TFG: variants seen among roughly 807,000 people sequenced by gnomAD.
TFG encodes the protein protein TFG.
Under a neutral mutation model 51.4 loss-of-function variants are expected in TFG, and 22 were observed. That is an observed-to-expected ratio of 0.43 (90% CI 0.31 to 0.61). The LOEUF (loss-of-function observed/expected upper bound fraction) is 0.61. Among genes scored for constraint, TFG ranks in the 20% least tolerant of loss-of-function variants. TFG has a pLI of 0.12. For missense variants in TFG, 419 were observed against 487.7 expected (o/e 0.86, Z 1.33); for synonymous variants, 187 against 165.6 (o/e 1.13, Z -0.99).
intron 5 of TFG, among the ~76,000 whole-genome samples, chr3:100,734,767 G>T (rs889308610): frequency 4.6e-5 from 7 of 152,120 alleles, no homozygotes; most frequent in Non-Finnish European, 8.8e-5. Flanking sequence ...AAAATTTGAT[G>T]AGGTCAGACT....
chr3:100,721,487 A>C (rs979484261), intron 3 of TFG, among the ~76,000 whole-genome samples: 2 of 152,210 alleles, frequency 1.3e-5, no homozygotes, highest in African/African-American at 4.8e-5. Flanking sequence ...AGGGAAAGTC[A>C]AGGAAGCTTA....
At chr3:100,742,108 C>CT (rs2149093839) in intron 6 of TFG, among the ~76,000 whole-genome samples, 1 of 152,232 alleles carries the variant, frequency 6.6e-6, no homozygotes, top group African/African-American at 2.4e-5. Context: ...GAAGTTCATC[C>CT]TTTTTCTTTT....
intron 2 of TFG, among the ~76,000 whole-genome samples, chr3:100,716,476 A>G (rs1054895216): frequency 8.5e-5 from 13 of 152,208 alleles, no homozygotes; most frequent in Non-Finnish European, 1.5e-4. Flanking sequence ...TATCTTGACT[A>G]TTGTGAATAG....
intron 4 of TFG, among the ~76,000 whole-genome samples, chr3:100,730,501 T>G (rs375578333): frequency 6.6e-6 from 1 of 152,234 alleles, no homozygotes; most frequent in Non-Finnish European, 1.5e-5. Context: ...TAAGATGATA[T>G]AAGAATAATA....
At chr3:100,715,309 C>G (rs568374347) in intron 2 of TFG, among the ~76,000 whole-genome samples, 1 of 152,198 alleles carries the variant, frequency 6.6e-6, no homozygotes, top group Non-Finnish European at 1.5e-5. Context: ...CATTGGCAAG[C>G]AGATGAGTGA....
chr3:100,727,522 A>C (rs2095079395), intron 3 of TFG, among the ~76,000 whole-genome samples: 1 of 152,214 alleles, frequency 6.6e-6, no homozygotes, highest in Non-Finnish European at 1.5e-5. Flanking sequence ...TGTGCAAAGC[A>C]TTTTAGTTTA....
intron 5 of TFG, among the ~76,000 whole-genome samples, chr3:100,735,363 A>G (rs968824980): frequency 1.3e-5 from 2 of 152,220 alleles, no homozygotes; most frequent in Non-Finnish European, 2.9e-5. Context: ...GCAAGTACTT[A>G]TATGGAACTT....
At chr3:100,730,374 G>T (rs1465475468) in intron 4 of TFG, among the ~76,000 whole-genome samples, 4 of 152,022 alleles carry the variant, frequency 2.6e-5, no homozygotes. Context: ...TTTTACCTAT[G>T]TTAATGTAAA....
intron 6 of TFG, chr3:100,742,818 T>C (rs750736240): frequency 5.9e-5 from 9 of 151,764 alleles, no homozygotes; most frequent in Non-Finnish European, 1.3e-4. Flanking sequence ...TGTAGAGATA[T>C]AATAAACCTC....
intron 2 of TFG, among the ~76,000 whole-genome samples, chr3:100,718,440 T>A (rs1007936879): frequency 3.1e-4 from 47 of 152,096 alleles, no homozygotes; most frequent in African/African-American, 1.1e-3. Flanking sequence ...TTCACAGACC[T>A]ATAACAACAC....
intron 1 of TFG, among the ~76,000 whole-genome samples, chr3:100,711,234 C>T (rs145391261): frequency 2.2e-4 from 34 of 152,168 alleles, no homozygotes; most frequent in South Asian, 4.1e-4. Context: ...TCCTGAGTAT[C>T]TGGGATTACA....
At chr3:100,711,599 A>G (rs970921082) in intron 1 of TFG, among the ~76,000 whole-genome samples, 2 of 152,084 alleles carry the variant, frequency 1.3e-5, no homozygotes, top group Admixed American at 6.6e-5. Context: ...TTCTTCTCCC[A>G]TAATTAAAAA....
intron 7 of TFG, among the ~76,000 whole-genome samples, chr3:100,747,045 G>T (rs2095136729): frequency 6.6e-6 from 1 of 152,066 alleles, no homozygotes; most frequent in Non-Finnish European, 1.5e-5. Context: ...TTTAGTCAGG[G>T]TCTTCACTCT....
At chr3:100,747,243 C>T (rs1480797829) in intron 7 of TFG, among the ~76,000 whole-genome samples, 2 of 152,010 alleles carry the variant, frequency 1.3e-5, no homozygotes, top group Non-Finnish European at 2.9e-5. Context: ...TGACCTTTTC[C>T]AGTTTTGTTC....
intron 5 of TFG, among the ~76,000 whole-genome samples, chr3:100,735,361 T>G (rs2095103549): frequency 6.6e-6 from 1 of 152,244 alleles, no homozygotes; most frequent in African/African-American, 2.4e-5. Context: ...TAGCAAGTAC[T>G]TATATGGAAC....
At chr3:100,711,641 A>G (rs1489733515) in intron 1 of TFG, among the ~76,000 whole-genome samples, 1 of 152,098 alleles carries the variant, frequency 6.6e-6, no homozygotes, top group Non-Finnish European at 1.5e-5. Flanking sequence ...TCTATATGTC[A>G]GGCACTTTTC....
rs1467091980 is a variant in TFG at position 100,745,889 on chromosome 3, A to G, written c.820+958A>G. Among the ~76,000 whole-genome samples, 6 of 152,298 alleles carry G rather than the reference A, an allele frequency of 3.9e-5. No homozygotes were observed. The East Asian group carries it at 1.2e-3, about 29-fold the overall frequency. ...AGAATGGCAGAGTTGAGTAGTTGCA[A>G]CAGAAGACCATGTGGCCCACAAAGC... On this transcript the variant is annotated intron_variant, in intron 7 of 7. Transcript: ENST00000240851.
chr3:100,719,119 T>A (rs985162587), intron 2 of TFG, among the ~76,000 whole-genome samples: 6 of 152,246 alleles, frequency 3.9e-5, no homozygotes, highest in African/African-American at 1.4e-4. Context: ...TATAAAATTC[T>A]CAGTTTTGTC....
chr3:100,732,785 T>G, intron 5 of TFG, 113 bp downstream of exon 5: 1 of 910,036 alleles, frequency 1.1e-6, no homozygotes, highest in South Asian at 1.9e-5. Flanking sequence ...TGCACAAATC[T>G]TAAGGGTTCT....
Sources: allele counts gnomAD v4.1 joint callset (sites outside exome capture counted in the v4.1 genomes callset), GRCh38; gene constraint gnomAD v4.1.1; transcripts MANE v1.5; gene names NCBI Gene and HGNC (gene_info 2026-07-23, HGNC 2026-07-21).